Variants in NBPF19 observed in about 807,000 individuals in gnomAD.
The protein encoded by NBPF19 is NBPF member 19.
NBPF19 carries 30 observed loss-of-function variants against 45.9 expected under a neutral mutation model. The ratio of observed to expected loss-of-function variants is 0.65; its 90% confidence interval spans 0.49 to 0.89. The LOEUF is 0.89. Ranked by LOEUF, NBPF19 falls within the 40% of genes least tolerant of loss-of-function variation. The pLI is 0.00. For synonymous variants in NBPF19, 183 were observed against 181.2 expected (o/e 1.01, Z -0.08); for missense variants, 495 against 471.8 (o/e 1.05, Z -0.46).
At chr1:149,476,332 TCA>T (rs1282405198) in intron 2 of NBPF19, among the ~76,000 whole-genome samples, 2 of 91,300 alleles carry the variant, frequency 2.2e-5, no homozygotes, top group Non-Finnish European at 4.7e-5. Context: ...AGAGTTAAAC[TCA>T]CAGTTATTGA....
In NBPF19 at chr1:149,478,730, C is replaced by T. The variant is rs1389143138; in HGVS notation, c.279-150C>T. ...AGCCTGTAGACCATTTTCTATTCTT[C>T]CTCTTGGCCACAGTCATTCCTTTCA... On this transcript the variant is annotated intron_variant, in intron 3 of 93. Transcript: ENST00000651566. 5.0e-3 allele frequency: 4,755 copies of T among 955,818 alleles called. 140 individuals carry two copies. Among genetic ancestry groups the T allele is most frequent in the Admixed American group, 7.2e-3 (381 of 53,066 alleles). The allele number at this position is 955,818 out of a possible 1,614,324, so 59.2% of individuals were successfully genotyped here. A position where few individuals can be genotyped will look rare whatever the true frequency, so the allele number is the denominator to read the frequency against.
In NBPF19 at chr1:149,556,234, C is replaced by T. The variant is rs1338647985; in HGVS notation, c.*1496C>T. 6.1e-5 allele frequency: 9 copies of T among 147,380 alleles called. No homozygotes were observed. The Admixed American group carries it at 6.1e-4, about 10-fold the overall frequency. 9.1% of individuals were successfully genotyped at this position (147,380 alleles called of 1,614,324 possible). A position where few individuals can be genotyped will look rare whatever the true frequency, so the allele number is the denominator to read the frequency against. ...TGTCCAAAGTTAATTTTAATCTATACAATTAAAACCTTTTGCCTATCACTC... is the reference window on the plus strand; with the variant it reads ...TGTCCAAAGTTAATTTTAATCTATATAATTAAAACCTTTTGCCTATCACTC... On this transcript the variant is annotated 3_prime_UTR_variant, in exon 94 of 94. Transcript: ENST00000651566.
chr1:149,494,254 T>C (rs2086000191), intron 17 of NBPF19, 64 bp from the exon 18 acceptor site: 6 of 240,340 alleles, frequency 2.5e-5, no homozygotes, highest in Non-Finnish European at 3.6e-5. Context: ...CCATGAAATC[T>C]AGCTGGGGCT....
chr1:149,486,316 G>A, intron 8 of NBPF19, 23 bp downstream of exon 8: 1 of 607,194 alleles, frequency 1.6e-6, no homozygotes, highest in Non-Finnish European at 2.9e-6. Flanking sequence ...TTGTGAAGGT[G>A]ATAAAGCTCC....
chr1:149,528,957 G>GTGTC (rs1553712730), intron 61 of NBPF19, among the ~76,000 whole-genome samples: 5 of 130,064 alleles, frequency 3.8e-5, no homozygotes, highest in African/African-American at 1.5e-4. Flanking sequence ...GTGTGTGTGT[G>GTGTC]TGTGTGTGTG....
At chr1:149,486,086 G>A in intron 7 of NBPF19, 44 bp from the exon 8 acceptor site, 1 of 309,308 alleles carries the variant, frequency 3.2e-6, no homozygotes, top group Non-Finnish European at 5.6e-6. Context: ...TCTAATGTCT[G>A]TTGGTTAAAT....
In NBPF19 at chr1:149,554,687, G is replaced by T. The variant is rs1233138085; in HGVS notation, c.11481G>T (p.Thr3827=). The T allele has an allele frequency of 8.7e-6, 14 of 1,608,232 alleles. No homozygotes were observed. The highest frequency in any genetic ancestry group is 1.1e-5 in the Non-Finnish European group (13 of 1,176,718). The change falls in exon 94 of 94, where the codon ACG becomes ACT. Residue 3827 remains threonine (T), a synonymous_variant. Transcript: ENST00000651566. ...TGGACAATAGGTTTTTTACTTTGAC[G>T]GTGACAAGTCTCCATCTGGTGTTCC... ...LYLDNRFFTL[T]VTSLHLVFQM... is the part of the protein sequence containing the mutation.
rs1165408590 is a variant in NBPF19, at chr1:149,554,499, A to G, written c.11293A>G (p.Asn3765Asp). 1 of 1,607,908 alleles carries G rather than the reference A, an allele frequency of 6.2e-7. No individual in the cohort carries two copies. The highest frequency in any genetic ancestry group is 8.5e-7 in the Non-Finnish European group (1 of 1,176,690). The change falls in exon 94 of 94, where the codon AAC becomes GAC. Residue 3765 changes from asparagine to aspartate, a missense_variant. By Grantham distance (23) the Asn-to-Asp change is conservative (BLOSUM62 1). This residue lies in a region of NBPF19 where 248 missense variants were observed against 95.4 expected (regional missense o/e 2.60). Transcript: ENST00000651566. ...EDQNPPCPRL[N>D]SVLMEVEEPE... ...TAGTTTTGTCTCCTTTTCCAGGCTC[A>G]ACAGCGTGCTGATGGAAGTGGAAGA...
chr1:149,477,277 C>G (rs2084898980), intron 2 of NBPF19, among the ~76,000 whole-genome samples: 1 of 150,630 alleles, frequency 6.6e-6, no homozygotes, highest in Non-Finnish European at 1.5e-5. Context: ...GAAACACTAT[C>G]TATTAGTTCT....
intron 2 of NBPF19, among the ~76,000 whole-genome samples, chr1:149,477,191 C>G (rs1355491939): frequency 6.7e-6 from 1 of 150,154 alleles, no homozygotes; most frequent in Non-Finnish European, 1.5e-5. Context: ...ACAATAATAC[C>G]TACCTCTGTA....
intron 9 of NBPF19, among the ~76,000 whole-genome samples, 161 bp downstream of exon 9, chr1:149,487,544 A>C (rs1198383057): frequency 1.7e-4 from 25 of 151,312 alleles, no homozygotes; most frequent in Admixed American, 9.2e-4. Context: ...GTAAATGTTT[A>C]GGTTTCCATT....
chr1:149,487,945 A>T (rs2085712165), intron 9 of NBPF19, 68 bp from the exon 10 acceptor site: 2 of 713,434 alleles, frequency 2.8e-6, no homozygotes, highest in Admixed American at 2.0e-5. Context: ...TTAGCCATGA[A>T]ATCTAGCTGG....
At chr1:149,486,499 C>T (rs1444429483) in intron 8 of NBPF19, among the ~76,000 whole-genome samples, 1 of 151,156 alleles carries the variant, frequency 6.6e-6, no homozygotes, top group African/African-American at 2.4e-5. Flanking sequence ...TCTTCCTAGT[C>T]TCAGGCCATG....
chr1:149,492,537 G>GTCTCTCTCTCTGTCTCTGTCTCTC, intron 15 of NBPF19, among the ~76,000 whole-genome samples: 1 of 121,418 alleles, frequency 8.2e-6, no homozygotes, highest in Middle Eastern at 4.1e-3. Flanking sequence ...CTCTGTCTCT[G>GTCTCTCTCTCTGTCTCTGTCTCTC]TCTCTCTCTC....
chr1:149,494,198 A>C (rs1263474144), intron 17 of NBPF19, 120 bp from the exon 18 acceptor site: 1 of 465,238 alleles, frequency 2.1e-6, no homozygotes, highest in African/African-American at 4.2e-5. Flanking sequence ...TCATTACCTC[A>C]TTAATGGATC....
At chr1:149,477,718 A>C (rs1367123774) in intron 2 of NBPF19, among the ~76,000 whole-genome samples, 1 of 151,130 alleles carries the variant, frequency 6.6e-6, no homozygotes, top group Non-Finnish European at 1.5e-5. Flanking sequence ...CATCTTGTCA[A>C]CTTCCTTGAT....
At chr1:149,478,541 G>A (rs1371993770) in intron 3 of NBPF19, among the ~76,000 whole-genome samples, 2 of 151,242 alleles carry the variant, frequency 1.3e-5, no homozygotes, top group Admixed American at 6.6e-5. Flanking sequence ...GCCGCAAGAT[G>A]CACTATGTGT....
chr1:149,482,574 C>T (rs2085261038), intron 7 of NBPF19, among the ~76,000 whole-genome samples: 1 of 152,098 alleles, frequency 6.6e-6, no homozygotes, highest in South Asian at 2.1e-4. Context: ...TTGTCTTCTG[C>T]TAGCTTTTGA....
chr1:149,487,519 T>G lies in NBPF19; in HGVS notation c.1040+136T>G, dbSNP rs1295862472. The G allele has an allele frequency of 4.0e-6, 4 of 995,794 alleles. 1 individual carries two copies. The East Asian group carries it at 7.1e-5, about 18-fold the overall frequency. The allele number at this position is 995,794 out of a possible 1,614,324, so 61.7% of individuals were successfully genotyped here. A position where few individuals can be genotyped will look rare whatever the true frequency, so the allele number is the denominator to read the frequency against. ...TGAATTATGCCTAATACATTGCTTT[T>G]TTGTTCTCATTAGAGTAAATGTTTA... is the stretch of plus-strand genomic sequence containing the variant. On this transcript the variant is annotated intron_variant, in intron 9 of 93. Coordinates refer to ENST00000651566, the MANE Select transcript of NBPF19 (RefSeq NM_001351365.2).
Sources: gnomAD v4.1 joint callset for allele counts (sites outside exome capture counted in the v4.1 genomes callset) on GRCh38, gnomAD v4.1.1 for gene constraint, gnomAD v4.1.1 regional missense constraint, MANE v1.5 for transcripts, NCBI Gene and HGNC (gene_info 2026-07-23, HGNC 2026-07-21) for gene names.